CERS1: variants seen among roughly 807,000 people sequenced by gnomAD.
CERS1 encodes the protein ceramide synthase 1.
CERS1 carries 16 observed loss-of-function variants against 35.7 expected under a neutral mutation model. The ratio of observed to expected loss-of-function variants is 0.45; its 90% CI spans 0.30 to 0.68. The LOEUF (loss-of-function observed/expected upper bound fraction) is 0.68. CERS1 is among the 30% of genes least tolerant of loss of function. The pLI, the probability that CERS1 is intolerant of heterozygous loss-of-function variation, is 0.08. For synonymous variants in CERS1, 243 were observed against 201.6 expected, an observed-to-expected ratio of 1.21 and a Z score of -1.74; for missense variants, 454 against 453.9, an observed-to-expected ratio of 1.00 and a Z score of 0.00.
rs781426705 is a variant in CERS1, at chr19:18,888,519, TAAAAAAAAAAAA to T, written c.410-4264_410-4253del. Among the ~76,000 whole-genome samples, 7 of 59,050 alleles carry T rather than the reference TAAAAAAAAAAAA, an allele frequency of 1.2e-4. No homozygotes were observed. The Admixed American group carries it at 1.5e-3, about 13-fold the overall frequency. The allele number at this position is 59,050 out of a possible 152,430, so 38.7% of individuals were successfully genotyped here. On this transcript the variant is annotated intron_variant, in intron 2 of 7. Transcript: ENST00000623882. ...GGCGACAGAGTGAGACCCTGTCTCT[TAAAAAAAAAAAA>T]AAAAAAAAAAAAAAACAGGCTAGGT...
At chr19:18,889,982 T>C (rs535962892) in intron 2 of CERS1, among the ~76,000 whole-genome samples, 57 of 152,296 alleles carry the variant, frequency 3.7e-4, no homozygotes, top group Non-Finnish European at 7.6e-4. Context: ...TCAATCCTGG[T>C]GGGAGTCCCT....
rs2055910465 is a variant in CERS1, at chr19:18,869,088, G to A, written c.*897C>T. ...GCCAGCGCCAGGCGGAGGCTGCGCG[G>A]CCATGAGGCGTTGCGAGCCCAAGCG... On this transcript the variant is annotated 3_prime_UTR_variant, in exon 8 of 8. Coordinates refer to ENST00000623882, the MANE Select transcript of CERS1 (RefSeq NM_021267.5). The A allele has an allele frequency of 4.7e-6, 5 of 1,073,388 alleles. No individual in the cohort carries two copies. Among genetic ancestry groups the A allele is most frequent in the East Asian group, 7.3e-5 (1 of 13,756 alleles). 66.5% of individuals were successfully genotyped at this position (1,073,388 alleles called of 1,614,324 possible). A position where few individuals can be genotyped will look rare whatever the true frequency, so the allele number is the denominator to read the frequency against.
At chr19:18,872,132 T>C (rs1321281224) in intron 6 of CERS1, among the ~76,000 whole-genome samples, 1 of 152,266 alleles carries the variant, frequency 6.6e-6, no homozygotes, top group African/African-American at 2.4e-5. Flanking sequence ...AGAGTATAGA[T>C]TCCTCTAATG....
rs1225897816 is a variant in CERS1 at position 18,870,816 on chromosome 19, G to A, written c.1011-197C>T. On this transcript the variant is annotated intron_variant, in intron 6 of 7. Coordinates refer to ENST00000623882, the MANE Select transcript of CERS1 (RefSeq NM_021267.5). The surrounding 1 kb of genome is among the most constrained non-coding windows in gnomAD (Gnocchi z 5.1). ...CCCTGCCCCTCCTTCAACCTGCCCC[G>A]TAGGCACGTATGTCCCCCCTGGCAC... is the stretch of plus-strand genomic sequence containing the variant. Among the ~76,000 whole-genome samples the A allele has an allele frequency of 6.6e-6, 1 of 150,546 alleles. No homozygotes were observed. The highest frequency in any genetic ancestry group is 1.5e-5 in the Non-Finnish European group (1 of 67,730).
At chr19:18,873,714 G>A (rs530115836) in intron 6 of CERS1, among the ~76,000 whole-genome samples, 6 of 151,972 alleles carry the variant, frequency 3.9e-5, no homozygotes, top group East Asian at 1.9e-4. Context: ...TGGTGTACAC[G>A]CCTGTAATCC....
chr19:18,870,004 C>T lies in CERS1; in HGVS notation c.*573G>A, dbSNP rs763476348. ...TCACCGCGGTCCGGGATGTGGCGCA[C>T]GATGTTTCCGGCGACCCCCAGCTCC... On this transcript the variant is annotated 3_prime_UTR_variant, in exon 7 of 8. Transcript: ENST00000623882. This position sits in a 1 kb window ranked among gnomAD's most constrained non-coding sequence, Gnocchi z 5.1. 4 of 1,595,902 alleles carry T rather than the reference C, an allele frequency of 2.5e-6. No homozygotes were observed. In the South Asian group the frequency reaches 3.4e-5, roughly 14 times the overall value.
At chr19:18,876,041 A>G (rs2056054957) in intron 6 of CERS1, among the ~76,000 whole-genome samples, 1 of 152,148 alleles carries the variant, frequency 6.6e-6, no homozygotes, top group African/African-American at 2.4e-5. Flanking sequence ...GGAAAGTAAC[A>G]TTCAATGCCT....
At chr19:18,894,272 G>A (rs892422279) in intron 1 of CERS1, among the ~76,000 whole-genome samples, 4 of 151,886 alleles carry the variant, frequency 2.6e-5, no homozygotes, top group African/African-American at 9.7e-5. Context: ...GCGGGGCGCG[G>A]CTCCAGAGCT....
intron 2 of CERS1, among the ~76,000 whole-genome samples, chr19:18,884,692 C>T (rs894188843): frequency 6.7e-6 from 1 of 149,656 alleles, no homozygotes; most frequent in South Asian, 2.1e-4. Flanking sequence ...CAGGCGTGAG[C>T]CACCCCGCCC....
rs1367469268 is a variant in CERS1 at position 18,870,667 on chromosome 19, G to T, written c.1011-48C>A. 4 of 513,344 alleles carry T rather than the reference G, an allele frequency of 7.8e-6. No individual in the cohort carries two copies. Among genetic ancestry groups the T allele is most frequent in the Middle Eastern group, 5.8e-4 (2 of 3,448 alleles). 31.8% of individuals were successfully genotyped at this position (513,344 alleles called of 1,614,324 possible). A position where few individuals can be genotyped will look rare whatever the true frequency, so the allele number is the denominator to read the frequency against. ...GTTAGCCTGGGAGCCCCACGCGGCC[G>T]CCTGGCCCTCTTTCCCGCTTCTTCT... On this transcript the variant is annotated intron_variant, in intron 6 of 7. Transcript: ENST00000623882. This position sits in a 1 kb window ranked among gnomAD's most constrained non-coding sequence, Gnocchi z 5.1.
At chr19:18,869,908 C>T in intron 7 of CERS1, 75 bp downstream of exon 7, 1 of 1,441,756 alleles carries the variant, frequency 6.9e-7, no homozygotes, top group Non-Finnish European at 9.5e-7. Flanking sequence ...CTCGGGCATC[C>T]CCGGGCCACT....
intron 2 of CERS1, among the ~76,000 whole-genome samples, chr19:18,890,578 G>C (rs780256393): frequency 1.6e-4 from 25 of 151,918 alleles, no homozygotes; most frequent in Non-Finnish European, 3.1e-4. Context: ...AGGAGTTCAA[G>C]ACCAGCCTGG....
At chr19:18,889,603 T>C (rs2056444894) in intron 2 of CERS1, among the ~76,000 whole-genome samples, 1 of 152,174 alleles carries the variant, frequency 6.6e-6, no homozygotes, top group South Asian at 2.1e-4. Flanking sequence ...TTTATTTTTT[T>C]ATTTTTTGTA....
At chr19:18,876,910 G>A (rs2056070124) in intron 6 of CERS1, among the ~76,000 whole-genome samples, 1 of 152,148 alleles carries the variant, frequency 6.6e-6, no homozygotes, top group African/African-American at 2.4e-5. Context: ...TGGTCCAGGA[G>A]CCCATGCTGC....
chr19:18,891,165 C>T (rs968019300), intron 2 of CERS1, among the ~76,000 whole-genome samples: 23 of 152,136 alleles, frequency 1.5e-4, no homozygotes, highest in East Asian at 3.9e-4. Context: ...ATGGGTCATC[C>T]GTCTAGAAGG....
At chr19:18,875,920 G>A (rs894623588) in intron 6 of CERS1, among the ~76,000 whole-genome samples, 10 of 152,230 alleles carry the variant, frequency 6.6e-5, no homozygotes, top group African/African-American at 2.4e-4. Context: ...CCCAGAGGGA[G>A]CACCGCCCAG....
At chr19:18,872,125 G>A (rs910174018) in intron 6 of CERS1, among the ~76,000 whole-genome samples, 1 of 152,240 alleles carries the variant, frequency 6.6e-6, no homozygotes, top group Non-Finnish European at 1.5e-5. Context: ...CCCACAGAGA[G>A]TATAGATTCC....
At position 18,870,273 on chromosome 19, in the gene CERS1, T is replaced by A; in HGVS notation, c.*304A>T. 2 of 1,548,432 alleles carry A rather than the reference T, an allele frequency of 1.3e-6. No individual in the cohort carries two copies. The highest frequency in any genetic ancestry group is 1.7e-6 in the Non-Finnish European group (2 of 1,148,826). On this transcript the variant is annotated 3_prime_UTR_variant, in exon 7 of 8. Coordinates refer to ENST00000623882, the MANE Select transcript of CERS1 (RefSeq NM_021267.5). The surrounding 1 kb of genome is among the most constrained non-coding windows in gnomAD (Gnocchi z 5.1). ...CAGCAGGGCCAGGAGGAGGAGGAGG[T>A]GGTGGCCGCAGGGACCTTGCTGCGG...
intron 2 of CERS1, among the ~76,000 whole-genome samples, chr19:18,887,741 T>C (rs888212725): frequency 8.2e-6 from 1 of 122,322 alleles, no homozygotes; most frequent in African/African-American, 2.9e-5. Flanking sequence ...TGAAACTCCA[T>C]CTCAAAAAAA....
Sources: gnomAD v4.1 joint callset for allele counts (sites outside exome capture counted in the v4.1 genomes callset) on GRCh38, gnomAD v4.1.1 for gene constraint, Gnocchi (gnomAD v3.1) non-coding constraint, MANE v1.5 for transcripts, NCBI Gene and HGNC (gene_info 2026-07-23, HGNC 2026-07-21) for gene names.